PTPRM: variants seen among roughly 807,000 people sequenced by gnomAD.
The protein encoded by PTPRM is protein tyrosine phosphatase receptor type M, also known as receptor-type tyrosine-protein phosphatase mu.
A neutral mutation model predicts 186.7 loss-of-function variants in PTPRM; 47 were observed. The ratio of observed to expected loss-of-function variants is 0.25; its 90% CI spans 0.20 to 0.32. The LOEUF (loss-of-function observed/expected upper bound fraction) is 0.32. Ranked by LOEUF, PTPRM falls within the 10% of genes least tolerant of loss-of-function variation. The pLI is 1.00. For synonymous variants in PTPRM, 668 were observed against 674.9 expected (o/e 0.99, Z 0.16); for missense variants, 1,494 against 1,865.0 (o/e 0.80, Z 3.66).
At chr18:8,098,022 G>A (rs775263935) in intron 11 of PTPRM, among the ~76,000 whole-genome samples, 1 of 152,156 alleles carries the variant, frequency 6.6e-6, no homozygotes, top group Non-Finnish European at 1.5e-5. Context: ...TTTTACAGTT[G>A]CCTACAGTAT....
At chr18:8,095,356 TG>T (rs2090962948) in intron 11 of PTPRM, among the ~76,000 whole-genome samples, 1 of 151,886 alleles carries the variant, frequency 6.6e-6, no homozygotes, top group South Asian at 2.1e-4. Context: ...AGGTTAGATA[TG>T]TGGCAAGGAA....
intron 1 of PTPRM, among the ~76,000 whole-genome samples, chr18:7,735,888 A>G (rs1032771567): frequency 8.6e-5 from 13 of 151,402 alleles, no homozygotes; most frequent in African/African-American, 2.9e-4. Context: ...GTAAAGCTGA[A>G]CTCTTTTAAC....
intron 14 of PTPRM, among the ~76,000 whole-genome samples, chr18:8,231,628 T>C (rs1008608683): frequency 7.2e-5 from 11 of 152,196 alleles, no homozygotes; most frequent in Non-Finnish European, 1.5e-4. Flanking sequence ...AAAGAAATAC[T>C]CAGGAAATAG....
intron 3 of PTPRM, among the ~76,000 whole-genome samples, chr18:7,891,460 A>T (rs2049075862): frequency 6.6e-6 from 1 of 152,196 alleles, no homozygotes; most frequent in Admixed American, 6.5e-5. Flanking sequence ...CAGAAGGAAA[A>T]TATCTTTTTA....
intron 13 of PTPRM, among the ~76,000 whole-genome samples, chr18:8,117,635 C>T (rs2092005973): frequency 2.0e-5 from 3 of 152,190 alleles, no homozygotes; most frequent in East Asian, 3.9e-4. Context: ...TATCTCCATA[C>T]GTGTGGGGGA....
At chr18:7,575,765 G>A (rs918125162) in intron 1 of PTPRM, among the ~76,000 whole-genome samples, 15 of 152,156 alleles carry the variant, frequency 9.9e-5, no homozygotes, top group African/African-American at 3.6e-4. Flanking sequence ...CTTTTCTTAC[G>A]TCTGCAAGGA....
chr18:7,768,153 T>G (rs2042100036), intron 1 of PTPRM, among the ~76,000 whole-genome samples: 1 of 152,200 alleles, frequency 6.6e-6, no homozygotes. Context: ...TCTGAAACTC[T>G]GTGATTTTCA....
intron 2 of PTPRM, among the ~76,000 whole-genome samples, chr18:7,811,368 C>T (rs763983919): frequency 2.6e-5 from 4 of 152,098 alleles, no homozygotes; most frequent in Non-Finnish European, 5.9e-5. Flanking sequence ...AAACTCTCTC[C>T]CCACCCCGAG....
intron 18 of PTPRM, among the ~76,000 whole-genome samples, chr18:8,253,012 T>C (rs566834282): frequency 3.3e-5 from 5 of 152,364 alleles, no homozygotes; most frequent in African/African-American, 1.2e-4. Context: ...TCGTTTGGAC[T>C]GCTTTGTAAA....
At chr18:7,764,898 C>G (rs2041947548) in intron 1 of PTPRM, among the ~76,000 whole-genome samples, 2 of 152,220 alleles carry the variant, frequency 1.3e-5, no homozygotes, top group Non-Finnish European at 1.5e-5. Flanking sequence ...TACACTCTCT[C>G]TCGTTTTCAC....
At chr18:8,383,962 G>A (rs1388135748) in intron 29 of PTPRM, among the ~76,000 whole-genome samples, 4 of 152,172 alleles carry the variant, frequency 2.6e-5, no homozygotes, top group Admixed American at 6.5e-5. Flanking sequence ...GGGACATGGC[G>A]ACTGCCATCC....
intron 1 of PTPRM, among the ~76,000 whole-genome samples, chr18:7,589,143 C>T (rs929892156): frequency 1.3e-5 from 2 of 152,196 alleles, no homozygotes; most frequent in African/African-American, 4.8e-5. Flanking sequence ...CTGCTCCATC[C>T]ATCCCATTGT....
intron 3 of PTPRM, among the ~76,000 whole-genome samples, chr18:7,889,063 C>T (rs2048926940): frequency 6.6e-6 from 1 of 152,074 alleles, no homozygotes; most frequent in South Asian, 2.1e-4. Flanking sequence ...CAGAATCATG[C>T]AGTTTACCCA....
At chr18:8,172,409 T>C (rs2093416153) in intron 14 of PTPRM, among the ~76,000 whole-genome samples, 1 of 152,132 alleles carries the variant, frequency 6.6e-6, no homozygotes. Context: ...AAATTTATCT[T>C]TGTACAGGAA....
At chr18:7,721,146 T>A (rs2040438594) in intron 1 of PTPRM, among the ~76,000 whole-genome samples, 1 of 151,846 alleles carries the variant, frequency 6.6e-6, no homozygotes, top group Non-Finnish European at 1.5e-5. Flanking sequence ...ATTTTCTTTT[T>A]TTTTTTTTGA....
chr18:7,677,082 A>G (rs969915708), intron 1 of PTPRM, among the ~76,000 whole-genome samples: 6 of 152,090 alleles, frequency 3.9e-5, no homozygotes, highest in Admixed American at 6.6e-5. Flanking sequence ...GTAATATTCT[A>G]TTCCTTCTAA....
intron 3 of PTPRM, among the ~76,000 whole-genome samples, chr18:7,900,869 C>A (rs1462563744): frequency 2.0e-5 from 3 of 152,142 alleles, no homozygotes; most frequent in Non-Finnish European, 4.4e-5. Flanking sequence ...CTAAATTATT[C>A]TTTTTGAAGA....
intron 22 of PTPRM, among the ~76,000 whole-genome samples, chr18:8,325,875 T>A (rs556819064): frequency 6.6e-6 from 1 of 152,182 alleles, no homozygotes; most frequent in African/African-American, 2.4e-5. Context: ...GCCATTCTAA[T>A]TGGTGTGAGA....
chr18:8,223,911 C>T (rs954979958), intron 14 of PTPRM, among the ~76,000 whole-genome samples: 1 of 152,184 alleles, frequency 6.6e-6, no homozygotes, highest in Non-Finnish European at 1.5e-5. Flanking sequence ...TCTCTCTTAA[C>T]TCTTGATGTG....
Sources: gnomAD v4.1 joint callset for allele counts (sites outside exome capture counted in the v4.1 genomes callset) on GRCh38, gnomAD v4.1.1 for gene constraint, MANE v1.5 for transcripts, NCBI Gene and HGNC (gene_info 2026-07-23, HGNC 2026-07-21) for gene names.